The following CRYZL1 variants were observed in gnomAD, a reference collection of about 807,000 sequenced individuals.
CRYZL1 encodes crystallin zeta like 1, also known as ferry endosomal RAB5 effector complex subunit 4.
CRYZL1 carries 34 observed loss-of-function variants against 50.6 expected under a neutral mutation model. That is an observed-to-expected ratio of 0.67 (90% CI 0.51 to 0.89). CRYZL1 has a LOEUF of 0.89. Ranked by LOEUF, CRYZL1 falls within the 40% of genes least tolerant of loss-of-function variation. The probability of loss-of-function intolerance (pLI) is 0.00; values close to 1 mark genes in which losing one functional copy is unlikely to be tolerated. For synonymous variants in CRYZL1, 125 were observed against 134.3 expected, an observed-to-expected ratio of 0.93 and a Z score of 0.48; for missense variants, 354 against 402.3, an observed-to-expected ratio of 0.88 and a Z score of 1.03.
intron 1 of CRYZL1, among the ~76,000 whole-genome samples, chr21:33,631,788 G>A (rs1335327569): frequency 1.3e-5 from 2 of 152,076 alleles, no homozygotes; most frequent in Admixed American, 1.3e-4. Context: ...TTACTACAAA[G>A]GCAAACATGC....
chr21:33,607,058 C>G (rs1179991010), intron 6 of CRYZL1, among the ~76,000 whole-genome samples: 1 of 152,038 alleles, frequency 6.6e-6, no homozygotes, highest in Non-Finnish European at 1.5e-5. Flanking sequence ...ATTTCAGCAT[C>G]TAAGAATTAT....
chr21:33,598,325 T>C (rs1202053901), intron 9 of CRYZL1, among the ~76,000 whole-genome samples: 2 of 152,212 alleles, frequency 1.3e-5, no homozygotes, highest in Non-Finnish European at 2.9e-5. Context: ...AAAATACTGG[T>C]TTAAAAAACC....
At chr21:33,597,812 C>T (rs1569082417) in intron 9 of CRYZL1, among the ~76,000 whole-genome samples, 1 of 152,138 alleles carries the variant, frequency 6.6e-6, no homozygotes, top group Non-Finnish European at 1.5e-5. Context: ...GACGGGGTTT[C>T]ATTGTGTTAG....
chr21:33,598,371 C>T (rs1414875432), intron 9 of CRYZL1, among the ~76,000 whole-genome samples: 1 of 152,204 alleles, frequency 6.6e-6, no homozygotes, highest in African/African-American at 2.4e-5. Flanking sequence ...CCATGATTCT[C>T]ACATTAGAAG....
chr21:33,603,375 T>G (rs752604352), intron 7 of CRYZL1, 29 bp downstream of exon 7: 2 of 1,609,984 alleles, frequency 1.2e-6, no homozygotes, highest in South Asian at 2.2e-5. Context: ...TATGCTTGTC[T>G]GTTTCTTAAC....
At position 33,621,588 on chromosome 21, in the gene CRYZL1, G is replaced by A. The variant is rs77682754; in HGVS notation, c.217+408C>T. Among the ~76,000 whole-genome samples the A allele has an allele frequency of 4.6e-5, 7 of 152,096 alleles. No homozygotes were observed. The East Asian group carries it at 5.8e-4, about 13-fold the overall frequency. On this transcript the variant is annotated intron_variant, in intron 4 of 12. Coordinates refer to ENST00000381554, the MANE Select transcript of CRYZL1 (RefSeq NM_145858.3). ...GATCTCCTGACCTTGTGATCCGCCC[G>A]CCTCAGCCTCCCAAAGTGCTGGGAT...
chr21:33,631,080 T>C (rs2087132229), intron 2 of CRYZL1, among the ~76,000 whole-genome samples: 1 of 152,180 alleles, frequency 6.6e-6, no homozygotes. Flanking sequence ...GGTGTTCTAT[T>C]GTACAGCAAG....
intron 1 of CRYZL1, 89 bp downstream of exon 1, chr21:33,641,592 C>T (rs1044725660): frequency 3.1e-6 from 1 of 323,694 alleles, no homozygotes; most frequent in Non-Finnish European, 5.9e-6. Flanking sequence ...ACCATCCTCC[C>T]CAGGGCTGCA....
intron 12 of CRYZL1, 35 bp downstream of exon 12, chr21:33,591,127 C>A (rs2086639185): frequency 6.5e-7 from 1 of 1,543,024 alleles, no homozygotes; most frequent in Non-Finnish European, 9.0e-7. Flanking sequence ...AATAGAAAAA[C>A]AAACAAGAAC....
intron 2 of CRYZL1, among the ~76,000 whole-genome samples, chr21:33,627,608 TA>T (rs1386750392): frequency 1.3e-5 from 2 of 152,076 alleles, no homozygotes; most frequent in South Asian, 2.1e-4. Context: ...CTTAAAGTAA[TA>T]AAAAACTTGG....
chr21:33,604,355 CAAAAAAAAAAAAA>C (rs71194858), intron 6 of CRYZL1, among the ~76,000 whole-genome samples: 1 of 69,622 alleles, frequency 1.4e-5, no homozygotes, highest in Admixed American at 2.0e-4. Flanking sequence ...GACTCCGTCT[CAAAAAAAAAAAAA>C]AAAAAAAAAA....
At chr21:33,598,454 T>G (rs1463837036) in intron 9 of CRYZL1, among the ~76,000 whole-genome samples, 2 of 152,250 alleles carry the variant, frequency 1.3e-5, no homozygotes, top group African/African-American at 4.8e-5. Flanking sequence ...GTCATGCTAT[T>G]ACTTAAGTGT....
chr21:33,616,673 T>C (rs1443401123), intron 5 of CRYZL1, 33 bp downstream of exon 5: 1 of 1,607,704 alleles, frequency 6.2e-7, no homozygotes, highest in South Asian at 1.1e-5. Flanking sequence ...GTAAAATAGA[T>C]GACTTGAAAT....
chr21:33,631,708 AT>A (rs1344635291), intron 1 of CRYZL1, among the ~76,000 whole-genome samples, 151 bp from the exon 2 acceptor site: 1 of 152,212 alleles, frequency 6.6e-6, no homozygotes, highest in Non-Finnish European at 1.5e-5. Context: ...TCACAAAGTG[AT>A]CAAATAAGAG....
intron 11 of CRYZL1, chr21:33,595,311 A>T (rs2086682828): frequency 1.9e-6 from 2 of 1,081,074 alleles, no homozygotes; most frequent in Non-Finnish European, 2.4e-6. Flanking sequence ...AAGTATTCTG[A>T]AATGTTTCTG....
chr21:33,597,413 A>G lies in CRYZL1; in HGVS notation c.677-12T>C, dbSNP rs574950154. ...ACTATATAATCTCACTTGCAAGGGA[A>G]TAGTTTTAAAAAAAGAGAGAGAGAA... On this transcript the variant is annotated splice_polypyrimidine_tract_variant and intron_variant, in intron 9 of 12. Transcript: ENST00000381554. 11 of 1,544,526 alleles carry G rather than the reference A, an allele frequency of 7.1e-6. No homozygotes were observed. The highest frequency in any genetic ancestry group is 9.8e-6 in the Non-Finnish European group (11 of 1,122,630).
intron 2 of CRYZL1, among the ~76,000 whole-genome samples, chr21:33,629,678 C>T (rs1015364177): frequency 6.6e-6 from 1 of 152,210 alleles, no homozygotes; most frequent in African/African-American, 2.4e-5. Context: ...CATCTGCAAA[C>T]AGGGATGGTT....
chr21:33,626,314 G>A (rs2087062462), intron 2 of CRYZL1, among the ~76,000 whole-genome samples: 1 of 152,062 alleles, frequency 6.6e-6, no homozygotes, highest in South Asian at 2.1e-4. Flanking sequence ...ATGTGCCTTG[G>A]GCATTTCATC....
chr21:33,600,775 G>A (rs1234900742), intron 8 of CRYZL1, among the ~76,000 whole-genome samples: 5 of 150,516 alleles, frequency 3.3e-5, no homozygotes, highest in Admixed American at 6.7e-5. Context: ...ACAGGTGCCC[G>A]CCACCATGCC....
Sources: allele counts gnomAD v4.1 joint callset (sites outside exome capture counted in the v4.1 genomes callset), GRCh38; gene constraint gnomAD v4.1.1; transcripts MANE v1.5; gene names NCBI Gene and HGNC (gene_info 2026-07-23, HGNC 2026-07-21).